PCCA: variants seen among roughly 807,000 people sequenced by gnomAD.
The protein encoded by PCCA is propionyl-CoA carboxylase subunit alpha.
Under a neutral mutation model 101.3 loss-of-function variants are expected in PCCA, and 74 were observed. That is an observed-to-expected ratio of 0.73 (90% CI 0.61 to 0.89). The LOEUF (loss-of-function observed/expected upper bound fraction) is 0.89, where lower values mean the gene tolerates loss of function less well. PCCA is among the 40% of genes least tolerant of loss of function. The pLI is 0.00. For synonymous variants in PCCA, 294 were observed against 313.6 expected (o/e 0.94, Z 0.66); for missense variants, 891 against 907.0 (o/e 0.98, Z 0.23).
Position 100,354,294 on chromosome 13 carries a change from A to T in PCCA, c.1643+14035A>T, listed in dbSNP as rs1011231323. The stretch of plus-strand genomic sequence containing the variant: ...ACCCTGTTGAAAGAAAGAAGGAGAG[A>T]GAGAGAGAGAGAAAGAAAGGGAGAA... On this transcript the variant is annotated intron_variant, in intron 18 of 23. Transcript: ENST00000376285. Among the ~76,000 whole-genome samples, 17 of 134,240 alleles carry T rather than the reference A, an allele frequency of 1.3e-4. No homozygotes were observed. The South Asian group carries it at 5.0e-3, about 40-fold the overall frequency. 88.1% of individuals were successfully genotyped at this position (134,240 alleles called of 152,430 possible). A position where few individuals can be genotyped will look rare whatever the true frequency, so the allele number is the denominator to read the frequency against.
intron 19 of PCCA, among the ~76,000 whole-genome samples, chr13:100,381,249 C>T (rs894221965): frequency 2.0e-5 from 3 of 151,974 alleles, no homozygotes; most frequent in African/African-American, 7.3e-5. Flanking sequence ...TTAGCTGGGG[C>T]ATGGTGATGG....
intron 4 of PCCA, among the ~76,000 whole-genome samples, chr13:100,128,886 T>G (rs2050221226): frequency 6.6e-6 from 1 of 152,210 alleles, no homozygotes; most frequent in South Asian, 2.1e-4. Context: ...ATTGGTGGGC[T>G]CTTCTTAAAA....
In PCCA at chr13:100,112,503, A is replaced by G. The variant is rs536610039; in HGVS notation, c.300+442A>G. On this transcript the variant is annotated intron_variant, in intron 4 of 23. Coordinates refer to ENST00000376285, the MANE Select transcript of PCCA (RefSeq NM_000282.4). ...CAAAAATGAAAGGTAGGCTAATGCT[A>G]ATTGGATACAAACAAAAGAAGGTTT... 1.6e-4 allele frequency among the ~76,000 whole-genome samples: 25 copies of G among 152,126 alleles called. 1 individual carries two copies. The highest frequency in any genetic ancestry group is 4.8e-4 in the African/African-American group (20 of 41,500).
At chr13:100,476,345 C>T (rs1051439527) in intron 21 of PCCA, among the ~76,000 whole-genome samples, 5 of 152,206 alleles carry the variant, frequency 3.3e-5, no homozygotes, top group Non-Finnish European at 7.3e-5. Flanking sequence ...GTCAAAGCTT[C>T]AAATACCAGT....
At chr13:100,243,502 A>C (rs1566782506) in intron 8 of PCCA, among the ~76,000 whole-genome samples, 1 of 152,234 alleles carries the variant, frequency 6.6e-6, no homozygotes, top group Non-Finnish European at 1.5e-5. Context: ...GCAAATAGAT[A>C]ATTGAAACAA....
rs182974592 is a variant in PCCA, at chr13:100,255,781, G to T, written c.638-1814G>T. ...CCATTCTCATGCAGGATTAAAACTCGTGCATAATCTCTTGCAGAATCAAGA... is the reference window on the plus strand; with the variant it reads ...CCATTCTCATGCAGGATTAAAACTCTTGCATAATCTCTTGCAGAATCAAGA... On this transcript the variant is annotated intron_variant, in intron 8 of 23. Coordinates refer to ENST00000376285, the MANE Select transcript of PCCA (RefSeq NM_000282.4). 2.6e-5 allele frequency among the ~76,000 whole-genome samples: 4 copies of T among 152,116 alleles called. No homozygotes were observed. In the South Asian group the frequency reaches 8.3e-4, roughly 31 times the overall value.
intron 6 of PCCA, among the ~76,000 whole-genome samples, chr13:100,159,475 C>T (rs544416536): frequency 5.6e-4 from 85 of 152,254 alleles, no homozygotes; most frequent in Admixed American, 1.3e-3. Flanking sequence ...GCGCAGAATG[C>T]TGCAGTCCAT....
chr13:100,143,676 T>C (rs1185337694), intron 4 of PCCA, among the ~76,000 whole-genome samples: 11 of 152,102 alleles, frequency 7.2e-5, no homozygotes, highest in Admixed American at 7.2e-4. Flanking sequence ...TTTTCTTTTT[T>C]GGGAAATGGG....
At chr13:100,122,424 G>A (rs960321978) in intron 4 of PCCA, among the ~76,000 whole-genome samples, 2 of 152,026 alleles carry the variant, frequency 1.3e-5, no homozygotes, top group Non-Finnish European at 2.9e-5. Flanking sequence ...TTCTTTAAAT[G>A]TCTGGTAGAA....
At chr13:100,492,082 C>T (rs985240366) in intron 21 of PCCA, among the ~76,000 whole-genome samples, 14 of 151,704 alleles carry the variant, frequency 9.2e-5, no homozygotes, top group Non-Finnish European at 1.9e-4. Flanking sequence ...TAGAAGAAGC[C>T]GCAGTCCCTG....
At chr13:100,253,879 A>C (rs1321950013) in intron 8 of PCCA, among the ~76,000 whole-genome samples, 4 of 148,652 alleles carry the variant, frequency 2.7e-5, no homozygotes, top group African/African-American at 7.4e-5. Context: ...TTTTTAAAGC[A>C]GTCTCTTCTA....
intron 20 of PCCA, among the ~76,000 whole-genome samples, chr13:100,438,897 T>C (rs893181213): frequency 1.2e-4 from 18 of 152,214 alleles, no homozygotes; most frequent in African/African-American, 3.9e-4. Flanking sequence ...ACTAATGTGA[T>C]ACCAGAAACA....
intron 4 of PCCA, among the ~76,000 whole-genome samples, chr13:100,134,136 A>G (rs1327043863): frequency 6.6e-6 from 1 of 152,134 alleles, no homozygotes; most frequent in Non-Finnish European, 1.5e-5. Context: ...TCCCCTTCAT[A>G]TGTACATCCA....
At chr13:100,202,253 G>C (rs952987761) in intron 6 of PCCA, among the ~76,000 whole-genome samples, 1 of 151,214 alleles carries the variant, frequency 6.6e-6, no homozygotes, top group African/African-American at 2.4e-5. Flanking sequence ...AGGATCACTT[G>C]AGCCCAGGAG....
At chr13:100,483,166 A>G (rs1265299278) in intron 21 of PCCA, among the ~76,000 whole-genome samples, 2 of 152,146 alleles carry the variant, frequency 1.3e-5, no homozygotes, top group African/African-American at 4.8e-5. Flanking sequence ...TATAATTTTT[A>G]TTCCATCATT....
At position 100,489,531 on chromosome 13, in the gene PCCA, C is replaced by T. The variant is rs568065090; in HGVS notation, c.1900-25896C>T. ...AATTGACTAATTTTCTTTTTACACT[C>T]CAGCATGAATACATGCAATTGAACA... On this transcript the variant is annotated intron_variant, in intron 21 of 23. Transcript: ENST00000376285. Among the ~76,000 whole-genome samples the T allele has an allele frequency of 1.2e-3, 184 of 152,316 alleles. 1 individual carries two copies. Among genetic ancestry groups the T allele is most frequent in the African/African-American group, 4.3e-3 (178 of 41,560 alleles).
chr13:100,486,007 G>T (rs1267658420), intron 21 of PCCA, among the ~76,000 whole-genome samples: 1 of 152,182 alleles, frequency 6.6e-6, no homozygotes, highest in Non-Finnish European at 1.5e-5. Context: ...ACAGGAGTTG[G>T]CCTCTGCCCA....
chr13:100,461,265 G>A (rs2082144775), intron 21 of PCCA, among the ~76,000 whole-genome samples: 1 of 152,146 alleles, frequency 6.6e-6, no homozygotes, highest in Admixed American at 6.5e-5. Flanking sequence ...AGCTTGGGCT[G>A]TATCTTGTCA....
intron 21 of PCCA, among the ~76,000 whole-genome samples, chr13:100,461,488 T>C (rs1444316489): frequency 6.6e-6 from 1 of 152,228 alleles, no homozygotes; most frequent in African/African-American, 2.4e-5. Context: ...ATAAGTGATG[T>C]CATACATTTT....
Sources: gnomAD v4.1 joint callset for allele counts (sites outside exome capture counted in the v4.1 genomes callset) on GRCh38, gnomAD v4.1.1 for gene constraint, MANE v1.5 for transcripts, NCBI Gene and HGNC (gene_info 2026-07-23, HGNC 2026-07-21) for gene names.